The following PINX1 variants were observed in gnomAD, a reference collection of about 807,000 sequenced individuals.
PINX1 encodes PIN2/TERF1-interacting telomerase inhibitor 1.
Under a neutral mutation model 25.4 loss-of-function variants are expected in PINX1, and 34 were observed. That is an observed-to-expected ratio of 1.34 (90% CI 1.02 to 1.78). The LOEUF is 1.78. PINX1 is among the 40% of genes most tolerant of loss of function. The pLI is 0.00. For synonymous variants in PINX1, 197 were observed against 147.7 expected, an observed-to-expected ratio of 1.33 and a Z score of -2.42; for missense variants, 592 against 404.9, an observed-to-expected ratio of 1.46 and a Z score of -3.97.
rs906487910 is a variant in PINX1 at position 10,802,228 on chromosome 8, C to A, written c.471+17965G>T. On this transcript the variant is annotated intron_variant, in intron 6 of 6. Transcript: ENST00000314787. Reference sequence around the variant, plus strand: ...TGCCAGGGAACTCCCTCCCCTGGAACAGAGAATTGCTTTAGGGGGAAGCTC... The same window carrying A: ...TGCCAGGGAACTCCCTCCCCTGGAAAAGAGAATTGCTTTAGGGGGAAGCTC... Among the ~76,000 whole-genome samples, 6 of 152,216 alleles carry A rather than the reference C, an allele frequency of 3.9e-5. 1 individual carries two copies. The highest frequency in any genetic ancestry group is 9.6e-5 in the African/African-American group (4 of 41,464).
At chr8:10,792,130 G>C (rs1159424303) in intron 6 of PINX1, among the ~76,000 whole-genome samples, 1 of 152,198 alleles carries the variant, frequency 6.6e-6, no homozygotes, top group African/African-American at 2.4e-5. Flanking sequence ...TAGAGACCTA[G>C]AGAATTATCC....
At chr8:10,817,615 A>G (rs1469372768) in intron 6 of PINX1, among the ~76,000 whole-genome samples, 1 of 152,258 alleles carries the variant, frequency 6.6e-6, no homozygotes, top group Non-Finnish European at 1.5e-5. Flanking sequence ...ACATGCAGGC[A>G]TGTCAAAAGG....
At chr8:10,814,358 G>C (rs1327594682) in intron 6 of PINX1, among the ~76,000 whole-genome samples, 2 of 152,196 alleles carry the variant, frequency 1.3e-5, no homozygotes, top group Non-Finnish European at 2.9e-5. Context: ...CAGGGAAACA[G>C]CGCCTCCTGA....
At chr8:10,772,777 T>C (rs1359929042) in intron 6 of PINX1, among the ~76,000 whole-genome samples, 3 of 152,214 alleles carry the variant, frequency 2.0e-5, no homozygotes, top group South Asian at 2.1e-4. Flanking sequence ...AGCAACTCAA[T>C]TGGAAAACAC....
At chr8:10,786,651 T>TG (rs2129075173) in intron 6 of PINX1, among the ~76,000 whole-genome samples, 1 of 152,290 alleles carries the variant, frequency 6.6e-6, no homozygotes, top group Admixed American at 6.5e-5. Flanking sequence ...TCCAAAGATC[T>TG]GGGGCAGTTG....
intron 1 of PINX1, among the ~76,000 whole-genome samples, chr8:10,837,143 TAC>T (rs1409834920): frequency 6.6e-6 from 1 of 152,200 alleles, no homozygotes; most frequent in African/African-American, 2.4e-5. Flanking sequence ...ATGCAAATGA[TAC>T]AGTTTATGCT....
chr8:10,809,544 A>G (rs1270306535), intron 6 of PINX1, among the ~76,000 whole-genome samples: 1 of 152,196 alleles, frequency 6.6e-6, no homozygotes, highest in African/African-American at 2.4e-5. Flanking sequence ...CTCAAGCACT[A>G]TTCACACCAA....
At chr8:10,798,110 A>G (rs1549792) in intron 6 of PINX1, among the ~76,000 whole-genome samples, 29,846 of 152,018 alleles carry the variant, frequency 0.2, 3,194 homozygotes, top group Non-Finnish European at 0.23. Flanking sequence ...ATCCACACAC[A>G]TGTTTCTGGG....
chr8:10,781,937 G>T (rs1801600278), intron 6 of PINX1, among the ~76,000 whole-genome samples: 1 of 150,612 alleles, frequency 6.6e-6, no homozygotes, highest in Admixed American at 6.6e-5. Flanking sequence ...CATCCTAAGT[G>T]TCTGTCCACA....
Position 10,765,649 on chromosome 8 carries a change from C to A in PINX1, c.739G>T (p.Glu247Ter). 6.2e-7 allele frequency: 1 copy of A among 1,613,982 alleles called. No individual in the cohort carries two copies. Among genetic ancestry groups the A allele is most frequent in the Non-Finnish European group, 8.5e-7 (1 of 1,179,898 alleles). ...GCGCTCTTCTTCTTGGCCACTCGCT[C>A]CTGGGCCTCGGCCCTCTCGGGCTTT... Reference protein sequence around the residue: ...EGKPERAEAQERVAKKKSAPA... With the variant: ...EGKPERAEAQ Residue 247 changes from glutamate to a stop codon, truncating the protein, a stop_gained, in exon 7 of 7, where the codon GAG becomes TAG. Coordinates refer to ENST00000314787, the MANE Select transcript of PINX1 (RefSeq NM_017884.6). LOFTEE classifies it low-confidence loss of function (END_TRUNC).
intron 6 of PINX1, among the ~76,000 whole-genome samples, chr8:10,776,978 T>C (rs1433110112): frequency 6.6e-6 from 1 of 152,174 alleles, no homozygotes; most frequent in Non-Finnish European, 1.5e-5. Context: ...AAGCCAGTGT[T>C]TTCCTCCTCT....
chr8:10,775,243 C>G (rs567481300), intron 6 of PINX1, among the ~76,000 whole-genome samples: 1 of 152,244 alleles, frequency 6.6e-6, no homozygotes, highest in Non-Finnish European at 1.5e-5. Flanking sequence ...AAGACTGTCT[C>G]CCTGCATGTT....
intron 6 of PINX1, among the ~76,000 whole-genome samples, chr8:10,806,435 G>C (rs1802454767): frequency 6.6e-6 from 1 of 152,196 alleles, no homozygotes; most frequent in African/African-American, 2.4e-5. Context: ...TTTAAAATGG[G>C]AATGATGCCA....
intron 6 of PINX1, among the ~76,000 whole-genome samples, chr8:10,806,172 C>A (rs941741632): frequency 1.3e-5 from 2 of 150,528 alleles, no homozygotes; most frequent in Non-Finnish European, 3.0e-5. Flanking sequence ...CACACTAGTG[C>A]TGAGGGGGTG....
chr8:10,770,503 C>G (rs1420082953), intron 6 of PINX1, among the ~76,000 whole-genome samples: 1 of 152,214 alleles, frequency 6.6e-6, no homozygotes, highest in African/African-American at 2.4e-5. Flanking sequence ...AAAGTCTGTT[C>G]TGCTTCTTTT....
At chr8:10,786,461 G>A (rs1463848438) in intron 6 of PINX1, among the ~76,000 whole-genome samples, 3 of 152,184 alleles carry the variant, frequency 2.0e-5, no homozygotes, top group Admixed American at 1.3e-4. Context: ...GACAGTGTGA[G>A]CAGAACTATA....
At chr8:10,828,033 T>C (rs1446388073) in intron 4 of PINX1, among the ~76,000 whole-genome samples, 1 of 151,896 alleles carries the variant, frequency 6.6e-6, no homozygotes, top group African/African-American at 2.4e-5. Flanking sequence ...TTCAACAACA[T>C]GTGACTGCAC....
intron 6 of PINX1, among the ~76,000 whole-genome samples, chr8:10,815,404 G>A (rs1322027413): frequency 6.6e-6 from 1 of 152,110 alleles, no homozygotes; most frequent in Non-Finnish European, 1.5e-5. Flanking sequence ...ATAATTAAGA[G>A]AGCACATTCT....
intron 5 of PINX1, among the ~76,000 whole-genome samples, chr8:10,820,788 T>C (rs1446744451): frequency 6.6e-6 from 1 of 152,212 alleles, no homozygotes; most frequent in East Asian, 1.9e-4. Flanking sequence ...CAAATAAAAA[T>C]TTTAAAAGAA....
Sources: gnomAD v4.1 joint callset for allele counts (sites outside exome capture counted in the v4.1 genomes callset) on GRCh38, gnomAD v4.1.1 for gene constraint, MANE v1.5 for transcripts, NCBI Gene and HGNC (gene_info 2026-07-23, HGNC 2026-07-21) for gene names.